The following TPMT variants were observed in gnomAD, a reference collection of about 807,000 sequenced individuals.
The protein encoded by TPMT is S-adenosyl-L-methionine:thiopurine S-methyltransferase.
TPMT carries 18 observed loss-of-function variants against 34.2 expected under a neutral mutation model. The ratio of observed to expected loss-of-function variants is 0.53; its 90% CI spans 0.36 to 0.78. TPMT has a LOEUF of 0.78. TPMT is among the 30% of genes least tolerant of loss of function. The pLI is 0.00. For synonymous variants in TPMT, 69 were observed against 92.4 expected (o/e 0.75, Z 1.45); for missense variants, 265 against 288.1 (o/e 0.92, Z 0.58).
In TPMT at chr6:18,150,071, T is replaced by G. The variant is rs1270712199; in HGVS notation, c.-44-900A>C. 6.6e-6 allele frequency among the ~76,000 whole-genome samples: 1 copy of G among 152,176 alleles called. No homozygotes were observed. The highest frequency in any genetic ancestry group is 6.5e-5 in the Admixed American group (1 of 15,278). ...TGTTGGGGGCTCAGTCCCTAAGATT[T>G]CCCTCCTCACTTAGACACCAGTTGC... is the stretch of plus-strand genomic sequence containing the variant. On this transcript the variant is annotated intron_variant, in intron 1 of 8. Coordinates refer to ENST00000309983, the MANE Select transcript of TPMT (RefSeq NM_000367.5). This position sits in a 1 kb window ranked among gnomAD's most constrained non-coding sequence, Gnocchi z 5.3.
Position 18,130,687 on chromosome 6 carries a change from T to C in TPMT, c.719A>G (p.Tyr240Cys), listed in dbSNP as rs1142345. The C allele has an allele frequency of 0.043, 68,904 of 1,609,224 alleles. 1,714 individuals carry two copies. Among genetic ancestry groups the C allele is most frequent in the African/African-American group, 0.055 (4,132 of 74,920 alleles). ...WGIDCLFEKL[Y>C]LLTEK ...TCTCATTTACTTTTCTGTAAGTAGA[T>C]ATAACTTTTCAAAAAGACAGTCAAT... Residue 240 changes from tyrosine (Y) to cysteine (C), a missense_variant, in exon 9 of 9, where the codon TAT (tyrosine) becomes TGT (cysteine). Transcript: ENST00000309983. This position sits in a 1 kb window ranked among gnomAD's most constrained non-coding sequence, Gnocchi z 4.2.
In TPMT at chr6:18,131,328, C is replaced by T. The variant is rs1043560151; in HGVS notation, c.626-548G>A. Reference sequence around the variant, plus strand: ...GCATGGCGGCTCATGCCTCTAATCCCAGTACTTTGGGAGGCCAAGACAAGA... The same window carrying T: ...GCATGGCGGCTCATGCCTCTAATCCTAGTACTTTGGGAGGCCAAGACAAGA... On this transcript the variant is annotated intron_variant, in intron 8 of 8. Coordinates refer to ENST00000309983, the MANE Select transcript of TPMT (RefSeq NM_000367.5). The surrounding 1 kb of genome is among the most constrained non-coding windows in gnomAD (Gnocchi z 4.3). Among the ~76,000 whole-genome samples, 3 of 152,124 alleles carry T rather than the reference C, an allele frequency of 2.0e-5. No homozygotes were observed. The highest frequency in any genetic ancestry group is 6.5e-5 in the Admixed American group (1 of 15,278).
Position 18,138,894 on chromosome 6 carries a change from T to C in TPMT, c.494+69A>G, listed in dbSNP as rs775426955. 42 of 1,337,746 alleles carry C rather than the reference T, an allele frequency of 3.1e-5. No individual in the cohort carries two copies. The highest frequency in any genetic ancestry group is 3.9e-5 in the Non-Finnish European group (37 of 941,804). 82.9% of individuals were successfully genotyped at this position (1,337,746 alleles called of 1,614,324 possible). On this transcript the variant is annotated intron_variant, in intron 6 of 8. Coordinates refer to ENST00000309983, the MANE Select transcript of TPMT (RefSeq NM_000367.5). This position sits in a 1 kb window ranked among gnomAD's most constrained non-coding sequence, Gnocchi z 4.1. ...CTCATAGAAGTCTAAGCTGATTTTCTAGAACCCAGAAAAAGTATAGTATAC... is the reference window on the plus strand; with the variant it reads ...CTCATAGAAGTCTAAGCTGATTTTCCAGAACCCAGAAAAAGTATAGTATAC...
At chr6:18,144,876 A>G (rs1327407119) in intron 3 of TPMT, among the ~76,000 whole-genome samples, 2 of 149,926 alleles carry the variant, frequency 1.3e-5, no homozygotes, top group Non-Finnish European at 3.0e-5. Flanking sequence ...GTGCCCCACC[A>G]TACCCGGCTA....
In TPMT at chr6:18,153,106, T is replaced by C. The variant is rs1428470316; in HGVS notation, c.-45+1927A>G. 1.3e-5 allele frequency among the ~76,000 whole-genome samples: 2 copies of C among 152,356 alleles called. No homozygotes were observed. Among genetic ancestry groups the C allele is most frequent in the East Asian group, 1.9e-4 (1 of 5,190 alleles). ...ATGAGTCATCCTACAGCTTACTGAA[T>C]ATGTATATTTGGCCACCTTCCTCAG... On this transcript the variant is annotated intron_variant, in intron 1 of 8. Coordinates refer to ENST00000309983, the MANE Select transcript of TPMT (RefSeq NM_000367.5). This position sits in a 1 kb window ranked among gnomAD's most constrained non-coding sequence, Gnocchi z 4.2.
rs974625036 is a variant in TPMT, at chr6:18,131,286, A to C, written c.626-506T>G. ...ATCACTTTTAACTCCCAAGAGTAAA[A>C]ATAAATACACCACTGGGCATGGCGG... On this transcript the variant is annotated intron_variant, in intron 8 of 8. Coordinates refer to ENST00000309983, the MANE Select transcript of TPMT (RefSeq NM_000367.5). This position sits in a 1 kb window ranked among gnomAD's most constrained non-coding sequence, Gnocchi z 4.3. Among the ~76,000 whole-genome samples the C allele has an allele frequency of 6.6e-6, 1 of 152,196 alleles. No individual in the cohort carries two copies. Among genetic ancestry groups the C allele is most frequent in the Non-Finnish European group, 1.5e-5 (1 of 68,032 alleles).
In TPMT at chr6:18,145,546, G is replaced by A. The variant is rs1285821053; in HGVS notation, c.234-1818C>T. On this transcript the variant is annotated intron_variant, in intron 3 of 8. Coordinates refer to ENST00000309983, the MANE Select transcript of TPMT (RefSeq NM_000367.5). The surrounding 1 kb of genome is among the most constrained non-coding windows in gnomAD (Gnocchi z 5.6). ...GAGTTAGAATTCAGTTTTGAAACAAGTATAGCAGGACTGACTGTACCTTTT... is the reference window on the plus strand; with the variant it reads ...GAGTTAGAATTCAGTTTTGAAACAAATATAGCAGGACTGACTGTACCTTTT... Among the ~76,000 whole-genome samples, 1 of 152,194 alleles carries A rather than the reference G, an allele frequency of 6.6e-6. No homozygotes were observed. The highest frequency in any genetic ancestry group is 1.5e-5 in the Non-Finnish European group (1 of 68,038).
At position 18,139,977 on chromosome 6, in the gene TPMT, G is replaced by T. The variant is rs1478563833; in HGVS notation, c.367-260C>A. ...TCAGTTGGCTGTTACTCACTTCAGA[G>T]CTTGCTATAAAATTCTAACAATGTT... On this transcript the variant is annotated intron_variant, in intron 4 of 8. Coordinates refer to ENST00000309983, the MANE Select transcript of TPMT (RefSeq NM_000367.5). This position sits in a 1 kb window ranked among gnomAD's most constrained non-coding sequence, Gnocchi z 4.2. Among the ~76,000 whole-genome samples the T allele has an allele frequency of 6.6e-6, 1 of 152,298 alleles. No homozygotes were observed. Among genetic ancestry groups the T allele is most frequent in the Admixed American group, 6.5e-5 (1 of 15,292 alleles).
rs1783966798 is a variant in TPMT, at chr6:18,132,590, T to TTA, written c.581-414_581-413insTA. On this transcript the variant is annotated intron_variant, in intron 7 of 8. Coordinates refer to ENST00000309983, the MANE Select transcript of TPMT (RefSeq NM_000367.5). The surrounding 1 kb of genome is among the most constrained non-coding windows in gnomAD (Gnocchi z 4.8). ...CCGCCCCCTTCTAAGAGCAGTATCC[T>TTA]CAGACTCCACCTCCAGACAGGGCCT... Among the ~76,000 whole-genome samples the TTA allele has an allele frequency of 6.6e-6, 1 of 152,106 alleles. No homozygotes were observed. The highest frequency in any genetic ancestry group is 6.6e-5 in the Admixed American group (1 of 15,260).
chr6:18,139,102 C>T lies in TPMT; in HGVS notation c.420-65G>A. 12 of 1,360,444 alleles carry T rather than the reference C, an allele frequency of 8.8e-6. No homozygotes were observed. Among genetic ancestry groups the T allele is most frequent in the Non-Finnish European group, 1.3e-5 (12 of 948,130 alleles). The allele number at this position is 1,360,444 out of a possible 1,614,324, so 84.3% of individuals were successfully genotyped here. A position where few individuals can be genotyped will look rare whatever the true frequency, so the allele number is the denominator to read the frequency against. ...AAATCTTTAAGAAGATGAGCAGCGT[C>T]CCCCATGGTGCATGCTGGTACTTCA... On this transcript the variant is annotated intron_variant, in intron 5 of 8. Transcript: ENST00000309983. This position sits in a 1 kb window ranked among gnomAD's most constrained non-coding sequence, Gnocchi z 4.2.
At position 18,140,604 on chromosome 6, in the gene TPMT, A is replaced by G. The variant is rs73379156; in HGVS notation, c.367-887T>C. On this transcript the variant is annotated intron_variant, in intron 4 of 8. Transcript: ENST00000309983. This position sits in a 1 kb window ranked among gnomAD's most constrained non-coding sequence, Gnocchi z 4.7. ...GAGGCTGACATGCGAGGGTCACTTG[A>G]GCCTGGGAGGTCAAGGCTGCAGTGA... 0.057 allele frequency among the ~76,000 whole-genome samples: 8,714 copies of G among 152,176 alleles called. 857 individuals are homozygous for G. The highest frequency in any genetic ancestry group is 0.2 in the African/African-American group (8,117 of 41,462).
At chr6:18,141,560 G>C (rs553958144) in intron 4 of TPMT, among the ~76,000 whole-genome samples, 1 of 152,208 alleles carries the variant, frequency 6.6e-6, no homozygotes, top group African/African-American at 2.4e-5. Flanking sequence ...TGCTGGTCCT[G>C]AACTCCTGAC....
intron 1 of TPMT, among the ~76,000 whole-genome samples, chr6:18,151,698 TCCTCCCG>T (rs985019881): frequency 3.3e-5 from 5 of 151,832 alleles, no homozygotes; most frequent in African/African-American, 1.2e-4. Flanking sequence ...GCTCAAGTGA[TCCTCCCG>T]CCTCAGCCTT....
chr6:18,147,806 T>C lies in TPMT; in HGVS notation c.233+17A>G, dbSNP rs929911390. On this transcript the variant is annotated intron_variant, in intron 3 of 8. Transcript: ENST00000309983. ...CATTAAGGCAAGATAATTCTGTTAA[T>C]GTTTATCTGCTCATACCATTTCATC... The C allele has an allele frequency of 6.2e-7, 1 of 1,605,746 alleles. No homozygotes were observed. The highest frequency in any genetic ancestry group is 8.5e-7 in the Non-Finnish European group (1 of 1,173,024).
rs1021618498 is a variant in TPMT at position 18,135,509 on chromosome 6, A to G, written c.495-1620T>C. On this transcript the variant is annotated intron_variant, in intron 6 of 8. Transcript: ENST00000309983. This position sits in a 1 kb window ranked among gnomAD's most constrained non-coding sequence, Gnocchi z 5.0. Reference sequence around the variant, plus strand: ...ACGAAAGCACCAATATAATGTGCTAACATGGTAAGTACTGAGTACCAGCAT... The same window carrying G: ...ACGAAAGCACCAATATAATGTGCTAGCATGGTAAGTACTGAGTACCAGCAT... Among the ~76,000 whole-genome samples the G allele has an allele frequency of 6.6e-6, 1 of 152,206 alleles. No individual in the cohort carries two copies. Among genetic ancestry groups the G allele is most frequent in the Non-Finnish European group, 1.5e-5 (1 of 68,034 alleles).
At chr6:18,152,149 G>C (rs1174565989) in intron 1 of TPMT, among the ~76,000 whole-genome samples, 1 of 152,134 alleles carries the variant, frequency 6.6e-6, no homozygotes, top group Non-Finnish European at 1.5e-5. Flanking sequence ...ACACTTTATG[G>C]AGGTACCTGG....
chr6:18,152,732 T>C (rs1189053903), intron 1 of TPMT, among the ~76,000 whole-genome samples: 2 of 152,112 alleles, frequency 1.3e-5, no homozygotes, highest in Non-Finnish European at 2.9e-5. Flanking sequence ...CAAGAGTAGA[T>C]AGAGCGTCAG....
In TPMT at chr6:18,139,652, G is replaced by C. The variant is rs745583074; in HGVS notation, c.419+13C>G. ...TCAAATTTTTTAAAGTGCAGATGTA[G>C]TATTCAACCTACCTGGGAAGATCAA... is the stretch of plus-strand genomic sequence containing the variant. On this transcript the variant is annotated intron_variant, in intron 5 of 8. Coordinates refer to ENST00000309983, the MANE Select transcript of TPMT (RefSeq NM_000367.5). This position sits in a 1 kb window ranked among gnomAD's most constrained non-coding sequence, Gnocchi z 4.2. The C allele has an allele frequency of 6.2e-7, 1 of 1,609,824 alleles. No individual in the cohort carries two copies. The highest frequency in any genetic ancestry group is 1.7e-5 in the Admixed American group (1 of 59,968).
rs1784100473 is a variant in TPMT, at chr6:18,139,425, C to T, written c.419+240G>A. Among the ~76,000 whole-genome samples, 2 of 152,212 alleles carry T rather than the reference C, an allele frequency of 1.3e-5. No individual in the cohort carries two copies. Among genetic ancestry groups the T allele is most frequent in the African/African-American group, 4.8e-5 (2 of 41,456 alleles). On this transcript the variant is annotated intron_variant, in intron 5 of 8. Coordinates refer to ENST00000309983, the MANE Select transcript of TPMT (RefSeq NM_000367.5). This position sits in a 1 kb window ranked among gnomAD's most constrained non-coding sequence, Gnocchi z 4.2. ...GCAAGGTAGAAGACACTGTCTTACT[C>T]ACCTTTCTTTTTCCCTAGCTGCCTC...
Sources: gnomAD v4.1 joint callset for allele counts (sites outside exome capture counted in the v4.1 genomes callset) on GRCh38, gnomAD v4.1.1 for gene constraint, Gnocchi (gnomAD v3.1) non-coding constraint, MANE v1.5 for transcripts, NCBI Gene and HGNC (gene_info 2026-07-23, HGNC 2026-07-21) for gene names.